The following IGSF23 variants were observed in gnomAD, a reference collection of about 807,000 sequenced individuals.
IGSF23 encodes the protein immunoglobulin superfamily, member 23.
IGSF23 carries 14 observed loss-of-function variants against 17.8 expected under a neutral mutation model. The observed-to-expected ratio is 0.79, with a 90% CI of 0.52 to 1.23. The LOEUF (loss-of-function observed/expected upper bound fraction) is 1.23. Among genes scored for constraint, IGSF23 ranks in the 50% most tolerant of loss-of-function variants. The pLI is 0.00. For synonymous variants in IGSF23, 85 were observed against 92.5 expected (o/e 0.92, Z 0.46); for missense variants, 214 against 241.7 (o/e 0.89, Z 0.76).
intron 2 of IGSF23, among the ~76,000 whole-genome samples, chr19:44,625,079 C>A (rs539241576): frequency 6.6e-6 from 1 of 151,964 alleles, no homozygotes; most frequent in African/African-American, 2.4e-5. Context: ...AAAAAATCAC[C>A]ATTGTCATCA....
intron 1 of IGSF23, among the ~76,000 whole-genome samples, chr19:44,622,355 T>G (rs138986003): frequency 7.0e-4 from 107 of 152,276 alleles, no homozygotes; most frequent in African/African-American, 2.3e-3. Flanking sequence ...GTGCTAAAGT[T>G]CTTTTCACTT....
intron 1 of IGSF23, among the ~76,000 whole-genome samples, chr19:44,622,056 C>T (rs1204604593): frequency 2.0e-5 from 3 of 152,000 alleles, no homozygotes; most frequent in African/African-American, 7.2e-5. Flanking sequence ...ACCCCATCTC[C>T]ACTAAAAATA....
chr19:44,626,708 G>A (rs1014176779), intron 2 of IGSF23, among the ~76,000 whole-genome samples: 2 of 152,068 alleles, frequency 1.3e-5, no homozygotes, highest in African/African-American at 4.8e-5. Flanking sequence ...GACCACGCTG[G>A]CCAACATGGT....
rs114228419 is a variant in IGSF23, at chr19:44,619,846, A to G, written c.126-3861A>G. ...ACCTCGTTAAAGACCTTATCTCCAAATACGGTCACATTCTGAGGTACTGGG... is the reference window on the plus strand; with the variant it reads ...ACCTCGTTAAAGACCTTATCTCCAAGTACGGTCACATTCTGAGGTACTGGG... On this transcript the variant is annotated intron_variant, in intron 1 of 4. Coordinates refer to ENST00000402988, the MANE Select transcript of IGSF23 (RefSeq NM_001205280.2). Among the ~76,000 whole-genome samples, 1,206 of 152,250 alleles carry G rather than the reference A, an allele frequency of 7.9e-3. 15 individuals are homozygous for G. The highest frequency in any genetic ancestry group is 0.025 in the African/African-American group (1,047 of 41,536).
At position 44,623,087 on chromosome 19, in the gene IGSF23, C is replaced by A. The variant is rs115167882; in HGVS notation, c.126-620C>A. On this transcript the variant is annotated intron_variant, in intron 1 of 4. Coordinates refer to ENST00000402988, the MANE Select transcript of IGSF23 (RefSeq NM_001205280.2). ...AGTTTCATGAGGGCAGCAACAGCGT[C>A]TGTTTAATCACTGCTGAGCCCCCGA... 2.2e-3 allele frequency among the ~76,000 whole-genome samples: 337 copies of A among 152,304 alleles called. 2 individuals carry two copies. Among genetic ancestry groups the A allele is most frequent in the African/African-American group, 7.9e-3 (330 of 41,570 alleles).
At chr19:44,617,817 G>C (rs1292226734) in intron 1 of IGSF23, among the ~76,000 whole-genome samples, 1 of 152,110 alleles carries the variant, frequency 6.6e-6, no homozygotes, top group Non-Finnish European at 1.5e-5. Context: ...CCAGCCAACT[G>C]TAGGACTAAT....
chr19:44,630,110 T>G (rs1057453305), intron 3 of IGSF23, among the ~76,000 whole-genome samples: 1 of 152,168 alleles, frequency 6.6e-6, no homozygotes, highest in Non-Finnish European at 1.5e-5. Context: ...CATCAGTAAC[T>G]GTACAGACCT....
intron 1 of IGSF23, 94 bp downstream of exon 1, chr19:44,613,864 G>T: frequency 6.5e-7 from 1 of 1,548,874 alleles, no homozygotes; most frequent in Non-Finnish European, 8.7e-7. Context: ...GACTGTACAG[G>T]TCTATGAAGA....
chr19:44,634,940 C>A (rs898504034), intron 3 of IGSF23, among the ~76,000 whole-genome samples: 6 of 152,116 alleles, frequency 3.9e-5, no homozygotes, highest in Non-Finnish European at 8.8e-5. Context: ...CTTCAATAAA[C>A]CTCAGCCATG....
intron 3 of IGSF23, among the ~76,000 whole-genome samples, chr19:44,634,213 GGACA>G (rs536619971): frequency 5.9e-5 from 9 of 152,194 alleles, no homozygotes; most frequent in Non-Finnish European, 1.3e-4. Flanking sequence ...ATGGGGCCCA[GGACA>G]GGCCCCTCAT....
intron 2 of IGSF23, among the ~76,000 whole-genome samples, chr19:44,624,652 G>A (rs1055875770): frequency 3.3e-5 from 5 of 152,074 alleles, no homozygotes; most frequent in Non-Finnish European, 5.9e-5. Flanking sequence ...CCCAGCTTAG[G>A]ATCTGGACCA....
At chr19:44,634,174 G>C (rs1311780728) in intron 3 of IGSF23, among the ~76,000 whole-genome samples, 1 of 152,210 alleles carries the variant, frequency 6.6e-6, no homozygotes, top group Non-Finnish European at 1.5e-5. Context: ...GTGAGGGAAT[G>C]GCCTGAGCTG....
At chr19:44,629,898 T>C (rs1445311871) in intron 3 of IGSF23, among the ~76,000 whole-genome samples, 1 of 152,052 alleles carries the variant, frequency 6.6e-6, no homozygotes, top group Non-Finnish European at 1.5e-5. Context: ...AGTGCTGGGA[T>C]TACAAGCATA....
At chr19:44,633,230 C>T (rs1972808487) in intron 3 of IGSF23, among the ~76,000 whole-genome samples, 1 of 152,214 alleles carries the variant, frequency 6.6e-6, no homozygotes, top group African/African-American at 2.4e-5. Context: ...TCCTCTGAAG[C>T]CTCCAGTTTC....
chr19:44,634,828 A>C (rs1196411158), intron 3 of IGSF23, among the ~76,000 whole-genome samples: 4 of 152,034 alleles, frequency 2.6e-5, no homozygotes, highest in Non-Finnish European at 4.4e-5. Flanking sequence ...AAAAAAAAAA[A>C]AACCCAGGGA....
At chr19:44,630,320 C>T (rs940866150) in intron 3 of IGSF23, among the ~76,000 whole-genome samples, 4 of 152,360 alleles carry the variant, frequency 2.6e-5, no homozygotes, top group Admixed American at 2.6e-4. Context: ...TGTCCTGGCC[C>T]CTCAGCACGT....
At chr19:44,624,290 C>CTTTTTT (rs569873573) in intron 2 of IGSF23, among the ~76,000 whole-genome samples, 2 of 132,752 alleles carry the variant, frequency 1.5e-5, no homozygotes, top group African/African-American at 2.9e-5. Context: ...TCTTCTTCTT[C>CTTTTTT]TTTTTTTTTT....
chr19:44,626,558 G>C (rs987204498), intron 2 of IGSF23, among the ~76,000 whole-genome samples: 4 of 152,154 alleles, frequency 2.6e-5, no homozygotes, highest in African/African-American at 9.7e-5. Flanking sequence ...ACTCAGCCTA[G>C]GAGTTAAGGA....
rs1397190391 is a variant in IGSF23, at chr19:44,635,403, C to T, written c.548C>T (p.Thr183Ile). The change falls in exon 4 of 5, where the codon ACT becomes ATT. Residue 183 changes from threonine (T) to isoleucine (I), a missense_variant and splice_region_variant. Coordinates refer to ENST00000402988, the MANE Select transcript of IGSF23 (RefSeq NM_001205280.2). ...MCFIIIQSLR[T>I]DRQRIGICS ...CTCTCTCTCTCTCTCCACTGCAGGA[C>T]TGACAGGCAGAGAATAGGAATATGC... is the stretch of plus-strand genomic sequence containing the variant. 2.6e-6 allele frequency: 4 copies of T among 1,546,686 alleles called. No homozygotes were observed. The highest frequency in any genetic ancestry group is 2.6e-6 in the Non-Finnish European group (3 of 1,144,920).
Sources: allele counts gnomAD v4.1 joint callset (sites outside exome capture counted in the v4.1 genomes callset), GRCh38; gene constraint gnomAD v4.1.1; transcripts MANE v1.5; gene names NCBI Gene and HGNC (gene_info 2026-07-23, HGNC 2026-07-21).